The following PTPRN2 variants were observed in gnomAD, a reference collection of about 807,000 sequenced individuals.
PTPRN2 encodes the protein receptor-type tyrosine-protein phosphatase N2.
Under a neutral mutation model 118.8 loss-of-function variants are expected in PTPRN2, and 74 were observed. The observed-to-expected ratio is 0.62, with a 90% CI of 0.52 to 0.76. The LOEUF (loss-of-function observed/expected upper bound fraction) is 0.76. Among genes scored for constraint, PTPRN2 ranks in the 30% least tolerant of loss-of-function variants. The probability of loss-of-function intolerance (pLI) is 0.00; values close to 1 mark genes in which losing one functional copy is unlikely to be tolerated. For missense variants in PTPRN2, 1,481 were observed against 1,394.4 expected, an observed-to-expected ratio of 1.06 and a Z score of -0.99; for synonymous variants, 641 against 608.0, an observed-to-expected ratio of 1.05 and a Z score of -0.80.
intron 1 of PTPRN2, among the ~76,000 whole-genome samples, chr7:158,580,293 G>A (rs997043492): frequency 1.2e-4 from 19 of 152,304 alleles, no homozygotes; most frequent in East Asian, 3.9e-4. Flanking sequence ...TTTTATTAGC[G>A]GCTCCATCCA....
In PTPRN2 at chr7:158,145,244, A is replaced by G. The variant is rs986120481; in HGVS notation, c.911-6729T>C. 2.7e-4 allele frequency among the ~76,000 whole-genome samples: 40 copies of G among 149,184 alleles called. 1 individual carries two copies. The highest frequency in any genetic ancestry group is 4.9e-4 in the Non-Finnish European group (33 of 67,514). ...CACGGTGAGAAGGTTCCAGAATACC[A>G]CGGCTTGGCAAGACTTCCCTCACAT... is the stretch of plus-strand genomic sequence containing the variant. On this transcript the variant is annotated intron_variant, in intron 6 of 22. Coordinates refer to ENST00000389418, the MANE Select transcript of PTPRN2 (RefSeq NM_002847.5).
chr7:157,672,198 G>A lies in PTPRN2; in HGVS notation c.2001+10527C>T, dbSNP rs557653648. On this transcript the variant is annotated intron_variant, in intron 13 of 22. Coordinates refer to ENST00000389418, the MANE Select transcript of PTPRN2 (RefSeq NM_002847.5). ...GAGAAGCGAGGGGCCCACTGGGAAC[G>A]GGAAGGCCTGAGCAAGACAGACGCA... is the stretch of plus-strand genomic sequence containing the variant. Among the ~76,000 whole-genome samples, 15 of 152,250 alleles carry A rather than the reference G, an allele frequency of 9.9e-5. No homozygotes were observed. The South Asian group carries it at 2.9e-3, about 29-fold the overall frequency.
In PTPRN2 at chr7:157,611,430, G is replaced by A. The variant is rs993497315; in HGVS notation, c.2345-7355C>T. Among the ~76,000 whole-genome samples, 2 of 152,282 alleles carry A rather than the reference G, an allele frequency of 1.3e-5. No homozygotes were observed. The highest frequency in any genetic ancestry group is 1.5e-5 in the Non-Finnish European group (1 of 68,018). The stretch of plus-strand genomic sequence containing the variant: ...GGGGCAGAATGCAGGGGGAACAGAC[G>A]CCAAAGGTGTGTGGGGGTTGCCGTG... On this transcript the variant is annotated intron_variant, in intron 15 of 22. Coordinates refer to ENST00000389418, the MANE Select transcript of PTPRN2 (RefSeq NM_002847.5). This position sits in a 1 kb window ranked among gnomAD's most constrained non-coding sequence, Gnocchi z 5.9.
chr7:157,629,308 C>T lies in PTPRN2; in HGVS notation c.2197-7799G>A, dbSNP rs528221287. Among the ~76,000 whole-genome samples, 7 of 152,224 alleles carry T rather than the reference C, an allele frequency of 4.6e-5. No individual in the cohort carries two copies. Among genetic ancestry groups the T allele is most frequent in the Middle Eastern group, 6.8e-3 (2 of 294 alleles). On this transcript the variant is annotated intron_variant, in intron 14 of 22. Transcript: ENST00000389418. The surrounding 1 kb of genome is among the most constrained non-coding windows in gnomAD (Gnocchi z 4.4). Reference sequence around the variant, plus strand: ...GAGCAGGTCAGTGCTATTTCAGCTCCATTCAGAGTCACAGAAATTAGGTTA... The same window carrying T: ...GAGCAGGTCAGTGCTATTTCAGCTCTATTCAGAGTCACAGAAATTAGGTTA...
chr7:158,075,571 C>T (rs1184431909), intron 11 of PTPRN2, among the ~76,000 whole-genome samples: 1 of 152,210 alleles, frequency 6.6e-6, no homozygotes, highest in Non-Finnish European at 1.5e-5. Context: ...CCCACCAGCA[C>T]CACCGGCCCA....
chr7:157,606,100 G>T (rs1801986101), intron 15 of PTPRN2, among the ~76,000 whole-genome samples: 1 of 152,244 alleles, frequency 6.6e-6, no homozygotes, highest in African/African-American at 2.4e-5. Flanking sequence ...GTCCAGAGGG[G>T]GCTGAGGTGG....
rs1281082852 is a variant in PTPRN2 at position 157,676,893 on chromosome 7, C to T, written c.2001+5832G>A. Among the ~76,000 whole-genome samples the T allele has an allele frequency of 6.6e-6, 1 of 151,736 alleles. No individual in the cohort carries two copies. On this transcript the variant is annotated intron_variant, in intron 13 of 22. Coordinates refer to ENST00000389418, the MANE Select transcript of PTPRN2 (RefSeq NM_002847.5). The surrounding 1 kb of genome is among the most constrained non-coding windows in gnomAD (Gnocchi z 5.6). ...CTGGCTTTGACGAGAAGGAAGTGTTCTCTGGTTCTGGCAGAGAAATGTGTG... is the reference window on the plus strand; with the variant it reads ...CTGGCTTTGACGAGAAGGAAGTGTTTTCTGGTTCTGGCAGAGAAATGTGTG...
At chr7:157,728,628 G>T (rs930338280) in intron 12 of PTPRN2, among the ~76,000 whole-genome samples, 2 of 152,234 alleles carry the variant, frequency 1.3e-5, no homozygotes, top group Non-Finnish European at 2.9e-5. Context: ...GGTGGGGAAA[G>T]GTAGCTCAGA....
chr7:157,835,500 G>A (rs1184429122), intron 12 of PTPRN2, among the ~76,000 whole-genome samples: 3 of 152,172 alleles, frequency 2.0e-5, no homozygotes, highest in Non-Finnish European at 4.4e-5. Flanking sequence ...TAAAAGAGGG[G>A]ATATTAGAGA....
At chr7:158,205,745 G>C (rs889359108) in intron 3 of PTPRN2, among the ~76,000 whole-genome samples, 1 of 152,188 alleles carries the variant, frequency 6.6e-6, no homozygotes, top group Non-Finnish European at 1.5e-5. Context: ...CAGTGGCTGT[G>C]TGCCCCAGAG....
chr7:158,108,708 C>G, intron 10 of PTPRN2, among the ~76,000 whole-genome samples: 1 of 152,238 alleles, frequency 6.6e-6, no homozygotes, highest in East Asian at 1.9e-4. Context: ...CCCAGGCTGG[C>G]TGGGGTGCTT....
At chr7:158,316,793 C>G in intron 3 of PTPRN2, 26 bp downstream of exon 3, 1 of 1,555,336 alleles carries the variant, frequency 6.4e-7, no homozygotes, top group Non-Finnish European at 8.7e-7. Flanking sequence ...CGGCAGCCGC[C>G]GAGCCTCGGC....
chr7:158,301,892 G>A (rs1800917255), intron 3 of PTPRN2, among the ~76,000 whole-genome samples: 1 of 152,152 alleles, frequency 6.6e-6, no homozygotes, highest in African/African-American at 2.4e-5. Context: ...AGAGGTTGCA[G>A]TAAGCCGAGA....
In PTPRN2 at chr7:158,405,180, C is replaced by G. The variant is rs1020948643; in HGVS notation, c.163+84555G>C. On this transcript the variant is annotated intron_variant, in intron 2 of 22. Coordinates refer to ENST00000389418, the MANE Select transcript of PTPRN2 (RefSeq NM_002847.5). Reference sequence around the variant, plus strand: ...ACAGCATCACGAACATCCACACCCCCTAGGATGCCTGGAGTCCACATCCTC... The same window carrying G: ...ACAGCATCACGAACATCCACACCCCGTAGGATGCCTGGAGTCCACATCCTC... Among the ~76,000 whole-genome samples, 3 of 152,170 alleles carry G rather than the reference C, an allele frequency of 2.0e-5. No individual in the cohort carries two copies. In the East Asian group the frequency reaches 5.8e-4, roughly 29 times the overall value.
At chr7:158,215,656 CA>C (rs1209596793) in intron 3 of PTPRN2, among the ~76,000 whole-genome samples, 1 of 152,104 alleles carries the variant, frequency 6.6e-6, no homozygotes, top group Non-Finnish European at 1.5e-5. Flanking sequence ...AAACACAATT[CA>C]AATGACAGGG....
Position 158,043,689 on chromosome 7 carries a change from G to T in PTPRN2, c.1723+37609C>A, listed in dbSNP as rs192819723. ...ACAAGGCAGGTTGCCAGGAAATGCA[G>T]CTTGACATTTATAAACCTACTCACC... On this transcript the variant is annotated intron_variant, in intron 11 of 22. Transcript: ENST00000389418. 2.6e-4 allele frequency among the ~76,000 whole-genome samples: 40 copies of T among 152,356 alleles called. No individual in the cohort carries two copies. In the East Asian group the frequency reaches 7.5e-3, roughly 29 times the overall value.
At chr7:157,781,326 A>C (rs1162962409) in intron 12 of PTPRN2, among the ~76,000 whole-genome samples, 1 of 152,232 alleles carries the variant, frequency 6.6e-6, no homozygotes, top group Non-Finnish European at 1.5e-5. Context: ...ACATATTTTC[A>C]GAATAACACA....
At chr7:157,589,348 C>T (rs536048431) in intron 17 of PTPRN2, among the ~76,000 whole-genome samples, 10 of 152,246 alleles carry the variant, frequency 6.6e-5, no homozygotes, top group Non-Finnish European at 1.2e-4. Flanking sequence ...TTTCCTTATG[C>T]CCACTGGACT....
intron 6 of PTPRN2, among the ~76,000 whole-genome samples, chr7:158,160,492 G>A (rs1289722926): frequency 6.6e-6 from 1 of 152,160 alleles, no homozygotes; most frequent in Non-Finnish European, 1.5e-5. Flanking sequence ...CAGCTTCCCT[G>A]GTTCTCAATG....
Sources: allele counts gnomAD v4.1 joint callset (sites outside exome capture counted in the v4.1 genomes callset), GRCh38; gene constraint gnomAD v4.1.1; non-coding constraint Gnocchi (gnomAD v3.1); transcripts MANE v1.5; gene names NCBI Gene and HGNC (gene_info 2026-07-23, HGNC 2026-07-21).